The following IMMP2L variants were observed in gnomAD, a reference collection of about 807,000 sequenced individuals.
The protein encoded by IMMP2L is mitochondrial inner membrane protease subunit 2.
IMMP2L carries 18 observed loss-of-function variants against 19.3 expected under a neutral mutation model. The ratio of observed to expected loss-of-function variants is 0.93; its 90% CI spans 0.64 to 1.38. The LOEUF (loss-of-function observed/expected upper bound fraction) is 1.38, where lower values mean the gene tolerates loss of function less well. Among genes scored for constraint, IMMP2L ranks in the 40% most tolerant of loss-of-function variants. The probability of loss-of-function intolerance (pLI) is 0.00; values close to 1 mark genes in which losing one functional copy is unlikely to be tolerated. For missense variants in IMMP2L, 233 were observed against 218.2 expected (o/e 1.07, Z -0.43); for synonymous variants, 76 against 73.0 (o/e 1.04, Z -0.21).
chr7:110,833,946 A>G (rs1410197892), intron 5 of IMMP2L, among the ~76,000 whole-genome samples: 1 of 152,198 alleles, frequency 6.6e-6, no homozygotes, highest in Non-Finnish European at 1.5e-5. Flanking sequence ...ATGAATATGA[A>G]AGTTCTCTTC....
intron 3 of IMMP2L, among the ~76,000 whole-genome samples, chr7:111,257,948 C>A (rs997155294): frequency 1.3e-5 from 2 of 151,694 alleles, no homozygotes; most frequent in African/African-American, 4.8e-5. Flanking sequence ...CAGCCCCCAA[C>A]AGGCCTCGGT....
chr7:111,131,353 T>C lies in IMMP2L; in HGVS notation c.240-167788A>G, dbSNP rs142478221. The stretch of plus-strand genomic sequence containing the variant: ...TGACAGTGCAACGCTTGAGATATTC[T>C]GTTGACGCATGCATAGAAAATAATA... On this transcript the variant is annotated intron_variant, in intron 3 of 5. Transcript: ENST00000405709. Among the ~76,000 whole-genome samples, 6 of 152,162 alleles carry C rather than the reference T, an allele frequency of 3.9e-5. 1 individual carries two copies. The highest frequency in any genetic ancestry group is 1.4e-4 in the African/African-American group (6 of 41,582).
rs145412424 is a variant in IMMP2L at position 111,186,139 on chromosome 7, T to C, written c.240-222574A>G. Among the ~76,000 whole-genome samples, 517 of 152,264 alleles carry C rather than the reference T, an allele frequency of 3.4e-3. 3 individuals carry two copies. The highest frequency in any genetic ancestry group is 0.011 in the South Asian group (52 of 4,830). On this transcript the variant is annotated intron_variant, in intron 3 of 5. Coordinates refer to ENST00000405709, the MANE Select transcript of IMMP2L (RefSeq NM_032549.4). ...TAACATATATTTTATTTTATGCATC[T>C]AAAAATGTATTCTGAGAAGAGTTGT...
At chr7:111,439,102 A>G (rs1375881350) in intron 3 of IMMP2L, among the ~76,000 whole-genome samples, 1 of 151,792 alleles carries the variant, frequency 6.6e-6, no homozygotes, top group Non-Finnish European at 1.5e-5. Context: ...TACTACTACA[A>G]ATCATTCTGT....
intron 3 of IMMP2L, among the ~76,000 whole-genome samples, chr7:111,174,523 G>C (rs1806818112): frequency 6.6e-6 from 1 of 151,712 alleles, no homozygotes; most frequent in Non-Finnish European, 1.5e-5. Flanking sequence ...TCAAGGTTCA[G>C]AGTGGTTACG....
At position 111,291,772 on chromosome 7, in the gene IMMP2L, A is replaced by C. The variant is rs1194268406; in HGVS notation, c.239+195466T>G. Among the ~76,000 whole-genome samples the C allele has an allele frequency of 2.0e-5, 3 of 152,322 alleles. No individual in the cohort carries two copies. The East Asian group carries it at 5.8e-4, about 29-fold the overall frequency. ...TTTCAAATGTTTTCACCACAAAAAA[A>C]TGACAAGTATATTAGAGGAAGGATT... is the stretch of plus-strand genomic sequence containing the variant. On this transcript the variant is annotated intron_variant, in intron 3 of 5. Coordinates refer to ENST00000405709, the MANE Select transcript of IMMP2L (RefSeq NM_032549.4).
chr7:110,692,034 T>C (rs1257236870), intron 5 of IMMP2L, among the ~76,000 whole-genome samples: 1 of 152,220 alleles, frequency 6.6e-6, no homozygotes, highest in African/African-American at 2.4e-5. Context: ...CAATTCACAA[T>C]TGCAAAGAAA....
At chr7:110,731,447 A>G (rs1351139001) in intron 5 of IMMP2L, among the ~76,000 whole-genome samples, 1 of 152,128 alleles carries the variant, frequency 6.6e-6, no homozygotes, top group African/African-American at 2.4e-5. Context: ...TATTCCCCCC[A>G]TCATAATAAT....
chr7:111,391,981 G>A, intron 3 of IMMP2L: 1 of 702,830 alleles, frequency 1.4e-6, no homozygotes, highest in Non-Finnish European at 2.6e-6. Flanking sequence ...GGCAACAGAG[G>A]TTCAGAAAGT....
chr7:110,762,688 G>A (rs1215324414), intron 5 of IMMP2L, among the ~76,000 whole-genome samples: 1 of 152,120 alleles, frequency 6.6e-6, no homozygotes, highest in Non-Finnish European at 1.5e-5. Flanking sequence ...AAATCCTATG[G>A]AGGTTTCTAA....
chr7:111,447,934 A>C (rs1018580684), intron 3 of IMMP2L, among the ~76,000 whole-genome samples: 3 of 145,738 alleles, frequency 2.1e-5, no homozygotes, highest in Non-Finnish European at 4.5e-5. Context: ...CAGACTTTAA[A>C]CCAACAAAGA....
chr7:111,299,212 G>C (rs1343918507), intron 3 of IMMP2L, among the ~76,000 whole-genome samples: 1 of 152,102 alleles, frequency 6.6e-6, no homozygotes, highest in East Asian at 1.9e-4. Flanking sequence ...ATTTGAGAAA[G>C]AGTTTCCATC....
chr7:111,256,500 T>C (rs546696140), intron 3 of IMMP2L, among the ~76,000 whole-genome samples: 2 of 152,184 alleles, frequency 1.3e-5, no homozygotes, highest in South Asian at 4.1e-4. Flanking sequence ...CAGTGAAATA[T>C]CTCATTGAAG....
At chr7:110,976,130 T>C (rs912251825) in intron 3 of IMMP2L, among the ~76,000 whole-genome samples, 3 of 152,002 alleles carry the variant, frequency 2.0e-5, no homozygotes, top group Non-Finnish European at 4.4e-5. Context: ...TTTTAAAAAT[T>C]CTCATTTGCT....
At chr7:111,434,866 T>G (rs1410031817) in intron 3 of IMMP2L, among the ~76,000 whole-genome samples, 1 of 151,924 alleles carries the variant, frequency 6.6e-6, no homozygotes, top group Admixed American at 6.6e-5. Flanking sequence ...AACAGCCATT[T>G]TTCAAAAGAA....
intron 3 of IMMP2L, among the ~76,000 whole-genome samples, chr7:111,137,738 A>G (rs1802484656): frequency 6.6e-6 from 1 of 152,254 alleles, no homozygotes; most frequent in Non-Finnish European, 1.5e-5. Context: ...TTGGATTTTT[A>G]TGAGAACTTT....
At chr7:111,005,193 C>A (rs767688588) in intron 3 of IMMP2L, among the ~76,000 whole-genome samples, 2 of 152,066 alleles carry the variant, frequency 1.3e-5, no homozygotes, top group Non-Finnish European at 2.9e-5. Flanking sequence ...GATTAAGATT[C>A]CCCCCTGCCT....
At chr7:110,886,766 G>A (rs1810266291) in intron 4 of IMMP2L, 71 bp from the exon 5 acceptor site, 1 of 721,310 alleles carries the variant, frequency 1.4e-6, no homozygotes, top group African/African-American at 1.8e-5. Context: ...TACAAACTTA[G>A]GAATGGTGAA....
At chr7:111,415,298 A>G (rs1053764527) in intron 3 of IMMP2L, among the ~76,000 whole-genome samples, 6 of 151,798 alleles carry the variant, frequency 4.0e-5, no homozygotes, top group African/African-American at 1.5e-4. Flanking sequence ...GATTATGCCA[A>G]CAACCACATG....
Sources: allele counts gnomAD v4.1 joint callset (sites outside exome capture counted in the v4.1 genomes callset), GRCh38; gene constraint gnomAD v4.1.1; transcripts MANE v1.5; gene names NCBI Gene and HGNC (gene_info 2026-07-23, HGNC 2026-07-21).